PRELID2: variants seen among roughly 807,000 people sequenced by gnomAD.
PRELID2 encodes the protein PRELI domain containing 2, also known as PRELI domain-containing protein 2.
In PRELID2, 25 loss-of-function variants were observed where a neutral mutation model predicts 28.4. That is an observed-to-expected ratio of 0.88 (90% CI 0.64 to 1.23). PRELID2 has a LOEUF of 1.23. Ranked by LOEUF, PRELID2 falls within the 50% of genes most tolerant of loss-of-function variation. PRELID2 has a pLI of 0.00. For synonymous variants in PRELID2, 76 were observed against 71.6 expected, an observed-to-expected ratio of 1.06 and a Z score of -0.31; for missense variants, 201 against 214.4, an observed-to-expected ratio of 0.94 and a Z score of 0.39.
At chr5:145,408,043 G>A in the PRELID2 span, among the ~76,000 whole-genome samples, 1 of 151,986 alleles carries the variant, frequency 6.6e-6, no homozygotes, top group African/African-American at 2.4e-5. Context: ...ACCCAGAAGG[G>A]CAACAACAAT....
chr5:145,632,095 T>G (rs1178983293), intron 1 of PRELID2, among the ~76,000 whole-genome samples: 1 of 152,166 alleles, frequency 6.6e-6, no homozygotes, highest in Non-Finnish European at 1.5e-5. Context: ...GAACTGAGAC[T>G]CTAGGTCTTT....
chr5:145,506,178 T>C (rs894910238), intron 1 of PRELID2, among the ~76,000 whole-genome samples: 3 of 152,222 alleles, frequency 2.0e-5, no homozygotes, highest in African/African-American at 7.2e-5. Flanking sequence ...CTGTATGATT[T>C]GGCCCCTCTC....
chr5:145,402,493 A>C, the PRELID2 span, among the ~76,000 whole-genome samples: 1 of 152,172 alleles, frequency 6.6e-6, no homozygotes, highest in African/African-American at 2.4e-5. Context: ...GATCCAGGAA[A>C]ATTGTAAAGG....
intron 1 of PRELID2, among the ~76,000 whole-genome samples, chr5:145,502,895 A>G (rs1358103087): frequency 6.6e-6 from 1 of 152,146 alleles, no homozygotes; most frequent in East Asian, 1.9e-4. Flanking sequence ...AAGGACTTCA[A>G]ATAAATGAGG....
intron 1 of PRELID2, among the ~76,000 whole-genome samples, chr5:145,826,681 T>C (rs1443996124): frequency 1.3e-5 from 2 of 152,118 alleles, no homozygotes; most frequent in Non-Finnish European, 2.9e-5. Context: ...AGTTTTTACA[T>C]ATTAAAAGAT....
chr5:145,241,722 A>G, the PRELID2 span, among the ~76,000 whole-genome samples: 3 of 152,002 alleles, frequency 2.0e-5, no homozygotes, highest in Non-Finnish European at 4.4e-5. Flanking sequence ...TATATTCCAC[A>G]TTCTGGCTCC....
At chr5:145,545,705 T>A (rs1394739090) in intron 1 of PRELID2, among the ~76,000 whole-genome samples, 1 of 152,190 alleles carries the variant, frequency 6.6e-6, no homozygotes, top group Non-Finnish European at 1.5e-5. Context: ...CTGTCCAATG[T>A]GCTTTATTGC....
intron 1 of PRELID2, among the ~76,000 whole-genome samples, chr5:145,697,827 T>C (rs1755314334): frequency 6.6e-6 from 1 of 152,164 alleles, no homozygotes; most frequent in Non-Finnish European, 1.5e-5. Context: ...GTTTAAAGCA[T>C]TTAATGCTTG....
At chr5:145,240,533 A>G in the PRELID2 span, among the ~76,000 whole-genome samples, 1 of 152,024 alleles carries the variant, frequency 6.6e-6, no homozygotes, top group Non-Finnish European at 1.5e-5. Context: ...TCCATTGTGT[A>G]TATCTCAACA....
the PRELID2 span, among the ~76,000 whole-genome samples, chr5:145,398,460 C>T: frequency 1.3e-5 from 2 of 152,120 alleles, no homozygotes; most frequent in South Asian, 2.1e-4. Flanking sequence ...ACTCCTGTCT[C>T]TCATGCCTGC....
the PRELID2 span, among the ~76,000 whole-genome samples, chr5:145,343,426 T>C: frequency 4.0e-5 from 6 of 151,750 alleles, no homozygotes; most frequent in Admixed American, 3.3e-4. Flanking sequence ...TCAATAACCA[T>C]TTGAGTCAAC....
chr5:145,429,108 A>C, the PRELID2 span, among the ~76,000 whole-genome samples: 2 of 152,340 alleles, frequency 1.3e-5, no homozygotes, highest in East Asian at 3.9e-4. Flanking sequence ...TTAAAAGAGC[A>C]CTTTGGAGAC....
At chr5:145,589,346 A>G (rs1428057829) in intron 1 of PRELID2, among the ~76,000 whole-genome samples, 4 of 152,154 alleles carry the variant, frequency 2.6e-5, no homozygotes, top group Non-Finnish European at 4.4e-5. Context: ...GTGAATTTTA[A>G]TTTTAATACT....
chr5:145,789,308 T>C (rs1481219172), intron 5 of PRELID2, among the ~76,000 whole-genome samples: 1 of 152,042 alleles, frequency 6.6e-6, no homozygotes, highest in African/African-American at 2.4e-5. Flanking sequence ...ACACATTGAA[T>C]AATGGAATAG....
chr5:145,349,854 A>G, the PRELID2 span, among the ~76,000 whole-genome samples: 1 of 152,154 alleles, frequency 6.6e-6, no homozygotes, highest in Non-Finnish European at 1.5e-5. Context: ...AAATTTAAAA[A>G]CTACTGCTTA....
chr5:145,820,878 C>T (rs1754734164), intron 2 of PRELID2, among the ~76,000 whole-genome samples: 2 of 152,078 alleles, frequency 1.3e-5, no homozygotes, highest in Non-Finnish European at 1.5e-5. Flanking sequence ...AAGGAAAGTA[C>T]CAGTTAGAAG....
intron 5 of PRELID2, among the ~76,000 whole-genome samples, chr5:145,777,378 G>A (rs74998485): frequency 0.026 from 3,961 of 152,140 alleles, 90 homozygotes; most frequent in South Asian, 0.053. Flanking sequence ...AGCATGAGAG[G>A]AAATTTTCAG....
At chr5:145,634,023 G>A (rs1164163906) in intron 1 of PRELID2, among the ~76,000 whole-genome samples, 1 of 152,112 alleles carries the variant, frequency 6.6e-6, no homozygotes, top group Non-Finnish European at 1.5e-5. Context: ...TAAGCCCCAT[G>A]TGCCCCAGCT....
At chr5:145,662,789 G>C (rs940855560) in intron 1 of PRELID2, among the ~76,000 whole-genome samples, 10 of 151,948 alleles carry the variant, frequency 6.6e-5, no homozygotes, top group African/African-American at 2.4e-4. Context: ...CAGCAAAAAG[G>C]CTCTTACGAG....
Sources: allele counts gnomAD v4.1 joint callset (sites outside exome capture counted in the v4.1 genomes callset), GRCh38; gene constraint gnomAD v4.1.1; transcripts MANE v1.5; gene names NCBI Gene and HGNC (gene_info 2026-07-23, HGNC 2026-07-21).